The following FGGY variants were observed in gnomAD, a reference collection of about 807,000 sequenced individuals.
FGGY encodes the protein FGGY carbohydrate kinase domain-containing protein.
A neutral mutation model predicts 71.3 loss-of-function variants in FGGY; 72 were observed. The ratio of observed to expected loss-of-function variants is 1.01; its 90% CI spans 0.84 to 1.23. The LOEUF is 1.23. FGGY is among the 50% of genes most tolerant of loss of function. The pLI is 0.00. For synonymous variants in FGGY, 251 were observed against 250.3 expected (o/e 1.00, Z -0.02); for missense variants, 668 against 682.3 (o/e 0.98, Z 0.23).
In FGGY at chr1:59,522,229, C is replaced by T. The variant is rs144071985; in HGVS notation, c.799+9790C>T. 6.6e-5 allele frequency among the ~76,000 whole-genome samples: 10 copies of T among 152,318 alleles called. No homozygotes were observed. In the East Asian group the frequency reaches 1.2e-3, roughly 18 times the overall value. ...TATAAAGTTGGGTTCCTGGACCCAC[C>T]GATTGCAGAGCCTATGAGCTCTCCC... On this transcript the variant is annotated intron_variant, in intron 7 of 15. Coordinates refer to ENST00000303721, the MANE Select transcript of FGGY (RefSeq NM_018291.5).
intron 9 of FGGY, among the ~76,000 whole-genome samples, chr1:59,615,555 C>G (rs1005422147): frequency 1.3e-5 from 2 of 152,032 alleles, no homozygotes; most frequent in African/African-American, 2.4e-5. Context: ...AGAAGAAAAC[C>G]CAGGCAATAC....
intron 7 of FGGY, among the ~76,000 whole-genome samples, chr1:59,528,015 C>A (rs1180917941): frequency 2.0e-5 from 3 of 152,136 alleles, no homozygotes; most frequent in Non-Finnish European, 1.5e-5. Flanking sequence ...TCATTCTGAT[C>A]AGTGGCTTTA....
At chr1:59,529,580 TATG>T (rs1280954710) in intron 7 of FGGY, among the ~76,000 whole-genome samples, 3 of 152,228 alleles carry the variant, frequency 2.0e-5, no homozygotes, top group Non-Finnish European at 4.4e-5. Flanking sequence ...GGCTGAAATC[TATG>T]ATATCTCTAA....
chr1:59,344,268 C>T (rs2153216569), intron 3 of FGGY, among the ~76,000 whole-genome samples: 1 of 151,076 alleles, frequency 6.6e-6, no homozygotes, highest in African/African-American at 2.4e-5. Flanking sequence ...TGCCCATGAC[C>T]TTATTTAGGT....
intron 10 of FGGY, among the ~76,000 whole-genome samples, chr1:59,627,050 C>T (rs1040732561): frequency 1.8e-4 from 27 of 151,946 alleles, no homozygotes; most frequent in African/African-American, 6.5e-4. Context: ...GTCCCTGATA[C>T]CCCGATAAAA....
chr1:59,669,594 C>T (rs796478166), intron 13 of FGGY, among the ~76,000 whole-genome samples: 36 of 120,266 alleles, frequency 3.0e-4, no homozygotes, highest in African/African-American at 1.0e-3. Flanking sequence ...AGGGTTTCAC[C>T]ATGTTGGCCA....
intron 4 of FGGY, among the ~76,000 whole-genome samples, chr1:59,369,245 G>A (rs539870735): frequency 1.3e-5 from 2 of 152,174 alleles, no homozygotes; most frequent in South Asian, 2.1e-4. Flanking sequence ...AAAAAACGGC[G>A]CACCAGGAGA....
chr1:59,456,207 A>G (rs2091673391), intron 5 of FGGY, among the ~76,000 whole-genome samples: 1 of 152,170 alleles, frequency 6.6e-6, no homozygotes, highest in Non-Finnish European at 1.5e-5. Context: ...TGTTGCTTAA[A>G]GCGCATTCCA....
At chr1:59,718,738 A>C (rs12088681) in intron 14 of FGGY, among the ~76,000 whole-genome samples, 5,926 of 152,196 alleles carry the variant, frequency 0.039, 383 homozygotes, top group African/African-American at 0.14. Flanking sequence ...CTTCACCTAC[A>C]CATTGACACT....
rs1572092199 is a variant in FGGY at position 59,612,753 on chromosome 1, T to G, written c.1011+4843T>G. ...CCATGTGCTGTATTCAGGAAACCCA[T>G]CTCACGTGCGGAGACACACATAGTC... On this transcript the variant is annotated intron_variant, in intron 9 of 15. Coordinates refer to ENST00000303721, the MANE Select transcript of FGGY (RefSeq NM_018291.5). Among the ~76,000 whole-genome samples, 5 of 152,144 alleles carry G rather than the reference T, an allele frequency of 3.3e-5. No individual in the cohort carries two copies. In the South Asian group the frequency reaches 8.3e-4, roughly 25 times the overall value.
At chr1:59,308,624 C>T (rs1473735143) in intron 1 of FGGY, among the ~76,000 whole-genome samples, 1 of 152,114 alleles carries the variant, frequency 6.6e-6, no homozygotes, top group Non-Finnish European at 1.5e-5. Flanking sequence ...CTGAACCCCA[C>T]CCCAGTGTTT....
intron 4 of FGGY, among the ~76,000 whole-genome samples, chr1:59,370,534 C>T (rs2153274813): frequency 6.6e-6 from 1 of 152,072 alleles, no homozygotes; most frequent in South Asian, 2.1e-4. Context: ...GGCCAACATT[C>T]AGATTCAGGA....
chr1:59,330,731 T>A (rs1179319538), intron 2 of FGGY, among the ~76,000 whole-genome samples: 1 of 152,032 alleles, frequency 6.6e-6, no homozygotes, highest in African/African-American at 2.4e-5. Flanking sequence ...GATGGGAACA[T>A]CAAGGATCGA....
rs34290988 is a variant in FGGY, at chr1:59,301,706, C to CTTTTTTTT, written c.-15+4573_-15+4580dup. On this transcript the variant is annotated intron_variant, in intron 1 of 15. Transcript: ENST00000303721. ...TTTTCCTATAACTGTTGTGATCATT[C>CTTTTTTTT]TTTTTTTTTTTTTTTTTTTTTTTTG... Among the ~76,000 whole-genome samples, 17 of 55,000 alleles carry CTTTTTTTT rather than the reference C, an allele frequency of 3.1e-4. 2 individuals carry two copies. The highest frequency in any genetic ancestry group is 9.2e-4 in the African/African-American group (12 of 13,070). 36.1% of individuals were successfully genotyped at this position (55,000 alleles called of 152,430 possible).
intron 14 of FGGY, among the ~76,000 whole-genome samples, chr1:59,680,331 T>C (rs960066215): frequency 6.6e-6 from 1 of 152,030 alleles, no homozygotes; most frequent in Admixed American, 6.6e-5. Context: ...CCTCAGAAAG[T>C]CAACAGAAAA....
intron 14 of FGGY, among the ~76,000 whole-genome samples, chr1:59,756,411 G>A (rs755414348): frequency 3.9e-5 from 6 of 152,168 alleles, no homozygotes; most frequent in African/African-American, 7.2e-5. Flanking sequence ...GTGGAAATTC[G>A]TGTAAGCTAG....
chr1:59,312,619 A>G (rs530901127), intron 1 of FGGY, among the ~76,000 whole-genome samples: 2 of 152,106 alleles, frequency 1.3e-5, no homozygotes, highest in Non-Finnish European at 2.9e-5. Flanking sequence ...CTTTAAGGGG[A>G]TGTTTGTTGG....
chr1:59,674,491 A>T (rs186183386), intron 14 of FGGY, among the ~76,000 whole-genome samples: 60 of 152,262 alleles, frequency 3.9e-4, no homozygotes, highest in Middle Eastern at 3.4e-3. Context: ...TTATTTGCTT[A>T]TGTCAACCTC....
intron 6 of FGGY, among the ~76,000 whole-genome samples, chr1:59,506,668 G>A (rs1033235658): frequency 1.3e-5 from 2 of 152,058 alleles, no homozygotes; most frequent in South Asian, 2.1e-4. Context: ...CCGTGCTGGC[G>A]TGTGCCCGTA....
Sources: allele counts gnomAD v4.1 joint callset (sites outside exome capture counted in the v4.1 genomes callset), GRCh38; gene constraint gnomAD v4.1.1; transcripts MANE v1.5; gene names NCBI Gene and HGNC (gene_info 2026-07-23, HGNC 2026-07-21).